MTRR: variants seen among roughly 807,000 people sequenced by gnomAD.
The protein encoded by MTRR is 5-methyltetrahydrofolate-homocysteine methyltransferase reductase.
A neutral mutation model predicts 79.2 loss-of-function variants in MTRR; 63 were observed. That is an observed-to-expected ratio of 0.80 (90% CI 0.65 to 0.98). The LOEUF is 0.98. Among genes scored for constraint, MTRR ranks in the 50% least tolerant of loss-of-function variants. The pLI is 0.00. For missense variants in MTRR, 895 were observed against 839.6 expected (o/e 1.07, Z -0.82); for synonymous variants, 355 against 313.3 (o/e 1.13, Z -1.41).
chr5:7,883,459 TG>T lies in MTRR; in HGVS notation c.903+183del, dbSNP rs1160729395. 2.6e-4 allele frequency among the ~76,000 whole-genome samples: 37 copies of T among 140,134 alleles called. No individual in the cohort carries two copies. The East Asian group carries it at 0.01, about 38-fold the overall frequency. 91.9% of individuals were successfully genotyped at this position (140,134 alleles called of 152,430 possible). A position where few individuals can be genotyped will look rare whatever the true frequency, so the allele number is the denominator to read the frequency against. On this transcript the variant is annotated intron_variant, in intron 6 of 14. Transcript: ENST00000440940. ...TGGTTACATATGCTGAGTTGTGTGG[TG>T]CTTGGTTACATATGCTGAGTTGTGT...
At position 7,889,003 on chromosome 5, in the gene MTRR, T is replaced by C. The variant is rs1054431358; in HGVS notation, c.1147-92T>C. 8.3e-6 allele frequency: 12 copies of C among 1,451,980 alleles called. No homozygotes were observed. In the South Asian group the frequency reaches 1.2e-4, roughly 14 times the overall value. The allele number at this position is 1,451,980 out of a possible 1,614,324, so 89.9% of individuals were successfully genotyped here. ...GGCTTTCTCATTTTTTCTTGGGTAATTGGGTGCATCCCTAGGCAGACATTT... is the reference window on the plus strand; with the variant it reads ...GGCTTTCTCATTTTTTCTTGGGTAACTGGGTGCATCCCTAGGCAGACATTT... On this transcript the variant is annotated intron_variant, in intron 8 of 14. Transcript: ENST00000440940.
chr5:7,877,225 T>C (rs1734709650), intron 4 of MTRR, among the ~76,000 whole-genome samples: 1 of 152,198 alleles, frequency 6.6e-6, no homozygotes, highest in South Asian at 2.1e-4. Flanking sequence ...TACTTAAACT[T>C]CTCTGTTCAG....
At chr5:7,861,147 A>T in intron 1 of MTRR, 1 of 1,569,474 alleles carries the variant, frequency 6.4e-7, no homozygotes, top group African/African-American at 1.4e-5. Context: ...GTGAAACCGT[A>T]CCTGAACAAC....
chr5:7,881,900 C>T (rs771350303), intron 5 of MTRR, among the ~76,000 whole-genome samples: 3 of 152,150 alleles, frequency 2.0e-5, no homozygotes, highest in Non-Finnish European at 4.4e-5. Flanking sequence ...CTGCTACTTA[C>T]GGTTGCATTG....
chr5:7,867,048 G>A (rs1747009976), upstream of MTRR: 2 of 1,614,184 alleles, frequency 1.2e-6, no homozygotes, highest in African/African-American at 1.3e-5. Flanking sequence ...GTGTCATGGT[G>A]CCCAAAATAT....
chr5:7,885,751 TA>T lies in MTRR; in HGVS notation c.956del (p.Asn319ThrfsTer25). ...GAGATGCCTTCAGCGTGATCTGCCC[TA>T]ACAGTGATTCTGAGGTACAAAGCCT... is the stretch of plus-strand genomic sequence containing the variant. Reference protein sequence around the residue: ...PGDAFSVICPNSDSEVQSLLQ... With the variant: ...PGDAFSVICPXSDSEVQSLLQ... On this transcript the variant is annotated frameshift_variant, in exon 7 of 15. Transcript: ENST00000440940. LOFTEE classifies it high-confidence loss of function. 1 of 1,613,870 alleles carries T rather than the reference TA, an allele frequency of 6.2e-7. No homozygotes were observed. The highest frequency in any genetic ancestry group is 8.5e-7 in the Non-Finnish European group (1 of 1,179,984).
At chr5:7,870,431 T>TA in intron 1 of MTRR, 1 of 341,904 alleles carries the variant, frequency 2.9e-6, no homozygotes, top group East Asian at 7.3e-5. Flanking sequence ...TAGGTGGTAA[T>TA]ACTCTCATTT....
At chr5:7,869,433 G>C (rs1747470515) in intron 1 of MTRR, 1 of 578,656 alleles carries the variant, frequency 1.7e-6, no homozygotes, top group South Asian at 2.0e-5. Flanking sequence ...TGGGCTCGGC[G>C]TCGGCCTCTG....
At chr5:7,867,342 A>G (rs776326249), upstream of MTRR, 5 of 1,614,062 alleles carry the variant, frequency 3.1e-6, no homozygotes, top group Admixed American at 3.3e-5. Flanking sequence ...AATGTTTCCA[A>G]TTTTTCACCT....
chr5:7,851,044 G>T, upstream of MTRR: 1 of 1,237,934 alleles, frequency 8.1e-7, no homozygotes, highest in Non-Finnish European at 1.0e-6. Context: ...CAGCGCCCCC[G>T]CCTTGGCCGC....
chr5:7,868,432 G>A (rs940564182), upstream of MTRR, among the ~76,000 whole-genome samples: 6 of 152,204 alleles, frequency 3.9e-5, no homozygotes, highest in African/African-American at 1.4e-4. Context: ...TATGCAGGTG[G>A]TTAAGTGGCA....
chr5:7,872,890 C>G (rs1748230517), intron 2 of MTRR, among the ~76,000 whole-genome samples: 1 of 152,150 alleles, frequency 6.6e-6, no homozygotes, highest in African/African-American at 2.4e-5. Context: ...TGCTGTTCCT[C>G]CTTGGCAGCT....
intron 11 of MTRR, chr5:7,893,148 G>A (rs996212255): frequency 1.8e-6 from 1 of 553,190 alleles, no homozygotes; most frequent in African/African-American, 1.9e-5. Context: ...TACGGTCTTT[G>A]CTTGTCCTAT....
chr5:7,881,382 G>A (rs1735566486), intron 5 of MTRR, among the ~76,000 whole-genome samples: 2 of 152,038 alleles, frequency 1.3e-5, no homozygotes, highest in South Asian at 4.1e-4. Context: ...GGGTGTGGTA[G>A]TGGGGGTACA....
At chr5:7,859,542 G>A (rs201918298) in intron 1 of MTRR, 1 of 1,569,348 alleles carries the variant, frequency 6.4e-7, no homozygotes, top group Non-Finnish European at 8.7e-7. Flanking sequence ...TAGGGGATCT[G>A]TAAAGGTAGA....
At chr5:7,895,289 T>C (rs1738311235) in intron 11 of MTRR, among the ~76,000 whole-genome samples, 1 of 152,224 alleles carries the variant, frequency 6.6e-6, no homozygotes, top group Admixed American at 6.5e-5. Flanking sequence ...CTGGAATATT[T>C]GGAGCAGCCC....
rs1321252684 is a variant in MTRR, at chr5:7,875,375, G to C, written c.401G>C (p.Gly134Ala). ...ACTGGACATGCAGATGACTGTGTAGGGTAAGGGCAGTGTTCTCTGTTTACT... is the reference window on the plus strand; with the variant it reads ...ACTGGACATGCAGATGACTGTGTAGCGTAAGGGCAGTGTTCTCTGTTTACT... ...YDTGHADDCVGLELVVEPWIA... is the reference protein window; with the variant it reads ...YDTGHADDCVALELVVEPWIA... The change falls in exon 4 of 15, where the codon GGT becomes GCT. Residue 134 changes from glycine to alanine, a missense_variant and splice_region_variant. Gly to Ala is a moderately conservative substitution (Grantham distance 60). Transcript: ENST00000440940. 2 of 1,600,874 alleles carry C rather than the reference G, an allele frequency of 1.2e-6. No homozygotes were observed. The highest frequency in any genetic ancestry group is 1.7e-5 in the Admixed American group (1 of 59,970).
chr5:7,863,673 T>C (rs543058355), intron 2 of MTRR, among the ~76,000 whole-genome samples: 3 of 152,266 alleles, frequency 2.0e-5, no homozygotes, highest in African/African-American at 7.2e-5. Context: ...AGGATAGCAA[T>C]ATAATAAACG....
In MTRR at chr5:7,883,956, G is replaced by A. The variant is rs560734263; in HGVS notation, c.903+679G>A. ...TTTGGGAGGCTGAAGGCGGTCACTT[G>A]AACCCAGGAGTTCCTGGGTAACATG... On this transcript the variant is annotated intron_variant, in intron 6 of 14. Coordinates refer to ENST00000440940, the MANE Select transcript of MTRR (RefSeq NM_002454.3). Among the ~76,000 whole-genome samples the A allele has an allele frequency of 5.3e-5, 8 of 152,298 alleles. No homozygotes were observed. The East Asian group carries it at 5.8e-4, about 11-fold the overall frequency.
Sources: allele counts gnomAD v4.1 joint callset (sites outside exome capture counted in the v4.1 genomes callset), GRCh38; gene constraint gnomAD v4.1.1; transcripts MANE v1.5; gene names NCBI Gene and HGNC (gene_info 2026-07-23, HGNC 2026-07-21).